KCNK9: variants seen among roughly 807,000 people sequenced by gnomAD.
The protein encoded by KCNK9 is potassium channel subfamily K member 9.
A neutral mutation model predicts 10.8 loss-of-function variants in KCNK9; 1 was observed. That is an observed-to-expected ratio of 0.09 (90% CI 0.03 to 0.44). The LOEUF is 0.44. Among genes scored for constraint, KCNK9 ranks in the 20% least tolerant of loss-of-function variants. The pLI is 0.97. For synonymous variants in KCNK9, 231 were observed against 222.7 expected, an observed-to-expected ratio of 1.04 and a Z score of -0.33; for missense variants, 303 against 515.0, an observed-to-expected ratio of 0.59 and a Z score of 3.98.
In KCNK9 at chr8:139,618,874, G is replaced by A. The variant is rs1814685669; in HGVS notation, c.509C>T (p.Thr170Met). The A allele has an allele frequency of 3.1e-6, 5 of 1,614,188 alleles. No individual in the cohort carries two copies. Among genetic ancestry groups the A allele is most frequent in the Non-Finnish European group, 3.4e-6 (4 of 1,180,046 alleles). Residue 170 changes from threonine (T) to methionine (M), a missense_variant, in exon 2 of 2, where the codon ACG (threonine) becomes ATG (methionine). Around this residue, in one of 5 missense-constraint regions of KCNK9, gnomAD observed 53 missense variants for 134.9 expected, o/e 0.39. Coordinates refer to ENST00000520439, the MANE Select transcript of KCNK9 (RefSeq NM_001282534.2). This position sits in a 1 kb window ranked among gnomAD's most constrained non-coding sequence, Gnocchi z 7.9. Reference sequence around the variant, plus strand: ...GAAGGCGGCCGCCCCGATGCACAGCGTCCCCATGCAGGAGAAGAAGCCCAC... The same window carrying A: ...GAAGGCGGCCGCCCCGATGCACAGCATCCCCATGCAGGAGAAGAAGCCCAC... ...VTVGFFSCMG[T>M]LCIGAAAFSQ...
chr8:139,674,151 G>A lies in KCNK9; in HGVS notation c.283+28559C>T, dbSNP rs548282837. Reference sequence around the variant, plus strand: ...TGAAGCCCTAACCCCTAACAGGATGGTACTTGGAGGTGGGGCCTTTGGGGG... The same window carrying A: ...TGAAGCCCTAACCCCTAACAGGATGATACTTGGAGGTGGGGCCTTTGGGGG... On this transcript the variant is annotated intron_variant, in intron 1 of 1. Coordinates refer to ENST00000520439, the MANE Select transcript of KCNK9 (RefSeq NM_001282534.2). 2.0e-5 allele frequency among the ~76,000 whole-genome samples: 3 copies of A among 152,326 alleles called. No homozygotes were observed. In the East Asian group the frequency reaches 5.8e-4, roughly 29 times the overall value.
At chr8:139,688,582 GGGA>G (rs1563752532) in intron 1 of KCNK9, among the ~76,000 whole-genome samples, 4 of 151,866 alleles carry the variant, frequency 2.6e-5, no homozygotes, top group Non-Finnish European at 5.9e-5. Context: ...TCAACACGTG[GGGA>G]TTACAACTTG....
intron 1 of KCNK9, among the ~76,000 whole-genome samples, chr8:139,634,743 C>T (rs1299959534): frequency 1.3e-5 from 2 of 152,266 alleles, no homozygotes; most frequent in Admixed American, 6.5e-5. Context: ...TGCCTCCTCC[C>T]GAGGTCATTT....
intron 1 of KCNK9, among the ~76,000 whole-genome samples, chr8:139,689,999 A>G (rs1482542060): frequency 3.3e-5 from 5 of 152,204 alleles, no homozygotes; most frequent in Admixed American, 6.5e-5. Flanking sequence ...TTCCCCCATC[A>G]GCCTGCAGAC....
chr8:139,700,520 G>GCA (rs765602878), intron 1 of KCNK9, among the ~76,000 whole-genome samples: 122 of 141,410 alleles, frequency 8.6e-4, no homozygotes, highest in South Asian at 2.0e-3. Context: ...GCGCGCGCGC[G>GCA]CACACACACA....
chr8:139,618,746 C>A lies in KCNK9; in HGVS notation c.637G>T (p.Ala213Ser). The A allele has an allele frequency of 6.2e-7, 1 of 1,614,170 alleles. No homozygotes were observed. ...ACGTAGAGCGGCTTCTTCTGCAGGGCACCCTTGGTCTGCAGGGCCACGTAG... is the reference window on the plus strand; with the variant it reads ...ACGTAGAGCGGCTTCTTCTGCAGGGAACCCTTGGTCTGCAGGGCCACGTAG... ...GDYVALQTKGALQKKPLYVAF... is the reference protein window; with the variant it reads ...GDYVALQTKGSLQKKPLYVAF... The change falls in exon 2 of 2, where the codon GCC (alanine) becomes TCC (serine). Residue 213 changes from alanine (A) to serine (S), a missense_variant. By Grantham distance (99) the Ala-to-Ser change is moderately conservative. Around this residue, in one of 5 missense-constraint regions of KCNK9, gnomAD observed 53 missense variants for 134.9 expected, o/e 0.39. Coordinates refer to ENST00000520439, the MANE Select transcript of KCNK9 (RefSeq NM_001282534.2). The surrounding 1 kb of genome is among the most constrained non-coding windows in gnomAD (Gnocchi z 7.9).
chr8:139,673,160 T>C (rs965186183), intron 1 of KCNK9, among the ~76,000 whole-genome samples: 7 of 151,716 alleles, frequency 4.6e-5, no homozygotes, highest in Admixed American at 2.0e-4. Context: ...CCTTGTGTGA[T>C]AGAGACAGAA....
intron 1 of KCNK9, among the ~76,000 whole-genome samples, chr8:139,696,475 C>T (rs929731699): frequency 1.3e-4 from 20 of 152,290 alleles, no homozygotes; most frequent in African/African-American, 4.8e-4. Flanking sequence ...TCATGGAGGC[C>T]ATTGAGGCAT....
At chr8:139,683,626 ACCAGGTCACAT>A (rs570014332) in intron 1 of KCNK9, among the ~76,000 whole-genome samples, 27 of 152,348 alleles carry the variant, frequency 1.8e-4, no homozygotes, top group African/African-American at 6.0e-4. Context: ...ACCACGGGTT[ACCAGGTCACAT>A]CCAGGACACG....
chr8:139,699,828 G>A (rs1190416924), intron 1 of KCNK9, among the ~76,000 whole-genome samples: 1 of 152,206 alleles, frequency 6.6e-6, no homozygotes, highest in East Asian at 1.9e-4. Context: ...GCTAATAGCT[G>A]CATCTGAGAA....
chr8:139,615,548 C>G (rs1273067427), downstream of KCNK9, among the ~76,000 whole-genome samples: 1 of 152,068 alleles, frequency 6.6e-6, no homozygotes, highest in Non-Finnish European at 1.5e-5. Flanking sequence ...CATCACCAAG[C>G]AAAACCAAGA....
At chr8:139,701,043 G>A (rs975006427) in intron 1 of KCNK9, among the ~76,000 whole-genome samples, 2 of 152,182 alleles carry the variant, frequency 1.3e-5, no homozygotes, top group African/African-American at 2.4e-5. Context: ...TTCCCCAGGG[G>A]TGGCCAGTTT....
chr8:139,680,515 C>G (rs773313135), intron 1 of KCNK9, among the ~76,000 whole-genome samples: 4 of 152,134 alleles, frequency 2.6e-5, no homozygotes, highest in African/African-American at 4.8e-5. Context: ...GGATCCTTAC[C>G]CATGGAGGAG....
chr8:139,613,697 G>A (rs985678631), downstream of KCNK9, among the ~76,000 whole-genome samples: 1 of 152,206 alleles, frequency 6.6e-6, no homozygotes, highest in Admixed American at 6.5e-5. Flanking sequence ...CCCAGGGAGT[G>A]AAATGACTTC....
chr8:139,603,492 T>C (rs772744179), intron 2 of KCNK9, among the ~76,000 whole-genome samples: 2 of 152,182 alleles, frequency 1.3e-5, no homozygotes, highest in African/African-American at 2.4e-5. Context: ...AGTCAGTACA[T>C]AAAGTCCAAG....
chr8:139,646,224 T>C (rs2260428), intron 1 of KCNK9, among the ~76,000 whole-genome samples: 149,584 of 152,334 alleles, frequency 0.98, 73,494 homozygotes, highest in Non-Finnish European at 1. Context: ...ACTGTGGGCA[T>C]CACCCTTCTT....
chr8:139,645,930 T>A (rs997631184), intron 1 of KCNK9, among the ~76,000 whole-genome samples: 10 of 151,700 alleles, frequency 6.6e-5, no homozygotes, highest in African/African-American at 2.4e-4. Context: ...CCAACACTAT[T>A]GAGACGGCAC....
intron 1 of KCNK9, among the ~76,000 whole-genome samples, chr8:139,672,642 A>T (rs560104037): frequency 6.6e-6 from 1 of 152,358 alleles, no homozygotes; most frequent in South Asian, 2.1e-4. Context: ...GTTGTGGGAC[A>T]GGGTCGGCCC....
rs758116894 is a variant in KCNK9, at chr8:139,618,239, C to A, written c.*19G>T. ...CAACTATGACAAATGACTTTTCTGT[C>A]CCATTTCCCTCCCCACACCTAAACG... is the stretch of plus-strand genomic sequence containing the variant. On this transcript the variant is annotated 3_prime_UTR_variant, in exon 2 of 2. Transcript: ENST00000520439. The surrounding 1 kb of genome is among the most constrained non-coding windows in gnomAD (Gnocchi z 7.9). 6.2e-7 allele frequency: 1 copy of A among 1,614,138 alleles called. No homozygotes were observed. The highest frequency in any genetic ancestry group is 1.7e-5 in the Admixed American group (1 of 60,008).
Sources: gnomAD v4.1 joint callset for allele counts (sites outside exome capture counted in the v4.1 genomes callset) on GRCh38, gnomAD v4.1.1 for gene constraint, gnomAD v4.1.1 regional missense constraint, Gnocchi (gnomAD v3.1) non-coding constraint, MANE v1.5 for transcripts, NCBI Gene and HGNC (gene_info 2026-07-23, HGNC 2026-07-21) for gene names.